Variants in CEP170 observed in about 807,000 individuals in gnomAD.
CEP170 encodes centrosomal protein of 170 kDa.
Under a neutral mutation model 151.9 loss-of-function variants are expected in CEP170, and 21 were observed. That is an observed-to-expected ratio of 0.14 (90% CI 0.10 to 0.20). The LOEUF is 0.20. CEP170 is among the 10% of genes least tolerant of loss of function. CEP170 has a pLI of 1.00. For synonymous variants in CEP170, 356 were observed against 648.8 expected, an observed-to-expected ratio of 0.55 and a Z score of 6.86; for missense variants, 964 against 1,892.9, an observed-to-expected ratio of 0.51 and a Z score of 9.11.
intron 10 of CEP170, among the ~76,000 whole-genome samples, chr1:243,181,544 A>C (rs564208385): frequency 6.6e-6 from 1 of 152,296 alleles, no homozygotes; most frequent in East Asian, 1.9e-4. Flanking sequence ...ACAGAAAAAT[A>C]AGGATACAGC....
intron 1 of CEP170, among the ~76,000 whole-genome samples, chr1:243,238,534 C>T (rs190206502): frequency 6.6e-6 from 1 of 151,976 alleles, no homozygotes; most frequent in Admixed American, 6.5e-5. Context: ...GAAGCTAACA[C>T]AGATAAAAGA....
intron 12 of CEP170, chr1:243,166,690 G>A (rs1231155380): frequency 6.6e-6 from 1 of 152,146 alleles, no homozygotes; most frequent in Admixed American, 6.6e-5. Flanking sequence ...AAGGCCAATT[G>A]TATGAGATGA....
intron 15 of CEP170, 80 bp downstream of exon 15, chr1:243,142,236 A>G: frequency 6.2e-7 from 1 of 1,604,618 alleles, no homozygotes; most frequent in Non-Finnish European, 8.5e-7. Context: ...CATAACTGAA[A>G]TAAACTAAGC....
intron 17 of CEP170, among the ~76,000 whole-genome samples, chr1:243,135,161 G>A (rs1204122148): frequency 6.6e-6 from 1 of 152,032 alleles, no homozygotes; most frequent in Non-Finnish European, 1.5e-5. Flanking sequence ...ATTCTTTTAG[G>A]AGGCAATAAA....
intron 17 of CEP170, among the ~76,000 whole-genome samples, chr1:243,133,512 T>C (rs2054663207): frequency 1.3e-5 from 2 of 152,160 alleles, no homozygotes; most frequent in African/African-American, 4.8e-5. Flanking sequence ...TATATTACAT[T>C]TAACTACAAT....
intron 14 of CEP170, among the ~76,000 whole-genome samples, chr1:243,149,054 A>G (rs954387962): frequency 3.9e-5 from 6 of 152,234 alleles, no homozygotes; most frequent in African/African-American, 7.2e-5. Context: ...CATGGAGTCT[A>G]CTTCTAGCCA....
At chr1:243,226,170 T>TATATATATATCTAG (rs1180315618) in intron 1 of CEP170, among the ~76,000 whole-genome samples, 47 of 77,972 alleles carry the variant, frequency 6.0e-4, no homozygotes, top group African/African-American at 2.2e-3. Flanking sequence ...TCTCTATAGA[T>TATATATATATCTAG]ATATATATAT....
chr1:243,222,547 A>G (rs2062909379), intron 2 of CEP170, among the ~76,000 whole-genome samples: 1 of 152,242 alleles, frequency 6.6e-6, no homozygotes, highest in African/African-American at 2.4e-5. Flanking sequence ...ATAGTCACAG[A>G]AGAAACAGTC....
At chr1:243,136,521 A>C (rs2055100613) in intron 16 of CEP170, among the ~76,000 whole-genome samples, 1 of 152,006 alleles carries the variant, frequency 6.6e-6, no homozygotes, top group Non-Finnish European at 1.5e-5. Context: ...TCTTCAATTA[A>C]TATTGTGATC....
At chr1:243,134,917 G>T (rs2148231442) in intron 17 of CEP170, among the ~76,000 whole-genome samples, 1 of 152,136 alleles carries the variant, frequency 6.6e-6, no homozygotes, top group South Asian at 2.1e-4. Flanking sequence ...AAAGATCAAG[G>T]TACAAAAGTA....
chr1:243,176,580 G>A (rs1335764460), intron 10 of CEP170: 1 of 187,866 alleles, frequency 5.3e-6, no homozygotes, highest in African/African-American at 2.4e-5. Flanking sequence ...CAACAATCAT[G>A]AAACAATCTT....
chr1:243,140,166 T>C lies in CEP170; in HGVS notation c.4060-59A>G, dbSNP rs2055660797. ...CAGTAATTTGAAAAAGTACCAATAT[T>C]GGCATTACAATTTTTATGATTAGAC... On this transcript the variant is annotated intron_variant, in intron 15 of 19. Coordinates refer to ENST00000366542, the MANE Select transcript of CEP170 (RefSeq NM_014812.3). The C allele has an allele frequency of 5.1e-6, 8 of 1,568,070 alleles. No individual in the cohort carries two copies. In the East Asian group the frequency reaches 1.8e-4, roughly 35 times the overall value.
rs542300285 is a variant in CEP170, at chr1:243,247,643, C to T, written c.-42+7397G>A. Among the ~76,000 whole-genome samples, 10 of 152,290 alleles carry T rather than the reference C, an allele frequency of 6.6e-5. No homozygotes were observed. In the East Asian group the frequency reaches 9.6e-4, roughly 15 times the overall value. On this transcript the variant is annotated intron_variant, in intron 1 of 19. Coordinates refer to ENST00000366542, the MANE Select transcript of CEP170 (RefSeq NM_014812.3). Reference sequence around the variant, plus strand: ...TGCTGGGACTACAGGCGTGAGCCACCGCGCCTGCCCTGGTTGTTCTTATCC... The same window carrying T: ...TGCTGGGACTACAGGCGTGAGCCACTGCGCCTGCCCTGGTTGTTCTTATCC...
Position 243,162,680 on chromosome 1 carries a change from T to C in CEP170, c.3676+1604A>G, listed in dbSNP as rs1412592883. Among the ~76,000 whole-genome samples, 8 of 152,230 alleles carry C rather than the reference T, an allele frequency of 5.3e-5. No homozygotes were observed. In the South Asian group the frequency reaches 1.0e-3, roughly 20 times the overall value. On this transcript the variant is annotated intron_variant, in intron 13 of 19. Transcript: ENST00000366542. The stretch of plus-strand genomic sequence containing the variant: ...CTAAATATCGAGGAATAAAACCACA[T>C]CATGTGTTAAGAGGTACTCCAAGCT...
intron 1 of CEP170, among the ~76,000 whole-genome samples, chr1:243,253,528 A>G (rs2066149740): frequency 6.6e-6 from 1 of 152,262 alleles, no homozygotes; most frequent in South Asian, 2.1e-4. Flanking sequence ...AAAGTTAGGA[A>G]GAGCTAAAGG....
intron 1 of CEP170, among the ~76,000 whole-genome samples, chr1:243,225,966 C>CGT (rs2063185633): frequency 1.4e-5 from 2 of 145,250 alleles, no homozygotes; most frequent in Admixed American, 6.9e-5. Context: ...ATGGGCAATA[C>CGT]ATATCTATCT....
chr1:243,139,486 T>C (rs1418096258), intron 16 of CEP170, among the ~76,000 whole-genome samples: 1 of 152,148 alleles, frequency 6.6e-6, no homozygotes, highest in Non-Finnish European at 1.5e-5. Context: ...TGCAAAAGTT[T>C]GTAACTTGTA....
intron 1 of CEP170, among the ~76,000 whole-genome samples, chr1:243,239,991 G>A (rs12744216): frequency 0.31 from 47,797 of 152,012 alleles, 7,879 homozygotes; most frequent in South Asian, 0.54. Flanking sequence ...CTAGAAATCT[G>A]ACATAAAATT....
chr1:243,136,413 T>C, intron 16 of CEP170, 182 bp from the exon 17 acceptor site: 2 of 798,946 alleles, frequency 2.5e-6, no homozygotes, highest in South Asian at 2.2e-5. Flanking sequence ...AGAAACACTA[T>C]TAACAAAGGA....
Sources: allele counts gnomAD v4.1 joint callset (sites outside exome capture counted in the v4.1 genomes callset), GRCh38; gene constraint gnomAD v4.1.1; transcripts MANE v1.5; gene names NCBI Gene and HGNC (gene_info 2026-07-23, HGNC 2026-07-21).